The following NFAM1 variants were observed in gnomAD, a reference collection of about 807,000 sequenced individuals.
NFAM1 encodes the protein NFAT activation molecule 1.
NFAM1 carries 17 observed loss-of-function variants against 29.0 expected under a neutral mutation model. The ratio of observed to expected loss-of-function variants is 0.59; its 90% CI spans 0.40 to 0.88. The LOEUF (loss-of-function observed/expected upper bound fraction) is 0.88. Ranked by LOEUF, NFAM1 falls within the 40% of genes least tolerant of loss-of-function variation. The probability of loss-of-function intolerance (pLI) is 0.00; values close to 1 mark genes in which losing one functional copy is unlikely to be tolerated. For missense variants in NFAM1, 324 were observed against 344.6 expected, an observed-to-expected ratio of 0.94 and a Z score of 0.47; for synonymous variants, 175 against 147.2, an observed-to-expected ratio of 1.19 and a Z score of -1.36.
upstream of NFAM1, among the ~76,000 whole-genome samples, chr22:42,435,307 A>C (rs955323061): frequency 5.3e-5 from 8 of 151,096 alleles, no homozygotes; most frequent in Non-Finnish European, 8.8e-5. Flanking sequence ...TTTCCAAATG[A>C]GACCACAATT....
intron 3 of NFAM1, among the ~76,000 whole-genome samples, chr22:42,405,332 T>A (rs548684630): frequency 1.2e-4 from 18 of 152,202 alleles, no homozygotes; most frequent in Non-Finnish European, 2.5e-4. Context: ...GTCACTCCTG[T>A]AAGCCTGGGT....
chr22:42,386,876 G>A lies in NFAM1; in HGVS notation c.753+113C>T, dbSNP rs938847573. ...GCCAGCTGCCACCAGGAGATGGCTG[G>A]GATTCCACAGCAGGTGGCTCACTTC... is the stretch of plus-strand genomic sequence containing the variant. On this transcript the variant is annotated intron_variant, in intron 5 of 5. Coordinates refer to ENST00000329021, the MANE Select transcript of NFAM1 (RefSeq NM_145912.8). 15 of 612,864 alleles carry A rather than the reference G, an allele frequency of 2.4e-5. No individual in the cohort carries two copies. The East Asian group carries it at 4.6e-4, about 19-fold the overall frequency. The allele number at this position is 612,864 out of a possible 1,614,324, so 38.0% of individuals were successfully genotyped here.
At chr22:42,432,023 TG>T (rs1275581490) in intron 1 of NFAM1, among the ~76,000 whole-genome samples, 2 of 152,148 alleles carry the variant, frequency 1.3e-5, no homozygotes, top group Non-Finnish European at 2.9e-5. Context: ...GAGAGAGCGC[TG>T]TCCCCCTCCC....
At position 42,432,383 on chromosome 22, in the gene NFAM1, C is replaced by G. The variant is rs1386203427; in HGVS notation, c.-26G>C. 1 of 1,539,458 alleles carries G rather than the reference C, an allele frequency of 6.5e-7. No individual in the cohort carries two copies. Among genetic ancestry groups the G allele is most frequent in the Admixed American group, 2.1e-5 (1 of 47,164 alleles). On this transcript the variant is annotated 5_prime_UTR_variant, in exon 1 of 6. Transcript: ENST00000329021. ...CTGGGGGCCTGCTTGTCTGCGGCGA[C>G]TCTTTAGTTCACAGGAGGGGACGGC...
chr22:42,423,886 A>G (rs946620483), intron 1 of NFAM1, among the ~76,000 whole-genome samples: 1 of 151,990 alleles, frequency 6.6e-6, no homozygotes, highest in Non-Finnish European at 1.5e-5. Flanking sequence ...ACACCCAGCT[A>G]GTTTTTGTAT....
rs933011335 is a variant in NFAM1 at position 42,419,631 on chromosome 22, C to T, written c.122-7895G>A. Among the ~76,000 whole-genome samples, 13 of 152,184 alleles carry T rather than the reference C, an allele frequency of 8.5e-5. No individual in the cohort carries two copies. Among genetic ancestry groups the T allele is most frequent in the African/African-American group, 3.1e-4 (13 of 41,460 alleles). The stretch of plus-strand genomic sequence containing the variant: ...TCAGCTGCTCTCTGGCCCTCACTCG[C>T]CCACTCCTGCGTAGACGTCAGCCTG... On this transcript the variant is annotated intron_variant, in intron 1 of 5. Transcript: ENST00000329021. This position sits in a 1 kb window ranked among gnomAD's most constrained non-coding sequence, Gnocchi z 4.5.
upstream of NFAM1, among the ~76,000 whole-genome samples, chr22:42,434,255 A>G (rs1930887767): frequency 6.6e-6 from 1 of 152,026 alleles, no homozygotes; most frequent in African/African-American, 2.4e-5. Context: ...GCAGGAATGG[A>G]CGGATGGGTG....
chr22:42,410,215 C>T (rs1435043261), intron 2 of NFAM1: 2 of 188,854 alleles, frequency 1.1e-5, no homozygotes, highest in Non-Finnish European at 2.3e-5. Context: ...AAGATCACAT[C>T]GGGCAAGCAG....
intron 4 of NFAM1, among the ~76,000 whole-genome samples, chr22:42,389,593 T>TGGGGC (rs1929263780): frequency 1.0e-5 from 1 of 95,334 alleles, no homozygotes; most frequent in Non-Finnish European, 2.1e-5. Context: ...CTTGTGGGGC[T>TGGGGC]GGGGCTGGGC....
chr22:42,398,382 T>TTTATTTTTATTATTA (rs1555969649), intron 3 of NFAM1, among the ~76,000 whole-genome samples: 1 of 125,440 alleles, frequency 8.0e-6, no homozygotes, highest in South Asian at 2.7e-4. Context: ...CTTGGTTTTA[T>TTTATTTTTATTATTA]TTATTATTAT....
chr22:42,408,517 C>T (rs1005978486), intron 3 of NFAM1, among the ~76,000 whole-genome samples: 3 of 152,242 alleles, frequency 2.0e-5, no homozygotes, highest in Admixed American at 6.5e-5. Context: ...CAGCCTCTGA[C>T]GAGCCCTGAC....
chr22:42,431,645 G>A (rs1358803938), intron 1 of NFAM1, among the ~76,000 whole-genome samples: 4 of 152,220 alleles, frequency 2.6e-5, no homozygotes, highest in African/African-American at 9.7e-5. Flanking sequence ...CGCCGCTGGC[G>A]TGGAAAGACA....
intron 3 of NFAM1, among the ~76,000 whole-genome samples, chr22:42,400,085 G>A (rs117350780): frequency 0.023 from 3,540 of 152,290 alleles, 67 homozygotes; most frequent in Middle Eastern, 0.041. Context: ...CCGAGGCCAC[G>A]CAGCCAGGAA....
At chr22:42,397,791 C>G in intron 4 of NFAM1, 67 bp downstream of exon 4, 1 of 897,606 alleles carries the variant, frequency 1.1e-6, no homozygotes, top group South Asian at 1.3e-5. Flanking sequence ...CAGACAGACC[C>G]TGGTACAAGA....
intron 1 of NFAM1, among the ~76,000 whole-genome samples, chr22:42,425,889 G>A (rs1930606045): frequency 6.6e-6 from 1 of 152,046 alleles, no homozygotes; most frequent in South Asian, 2.1e-4. Context: ...GTGTGCTCGG[G>A]ATCACAGATG....
In NFAM1 at chr22:42,381,382, G is replaced by A. The variant is rs41277489; in HGVS notation, c.*3779C>T. 1.6e-3 allele frequency: 239 copies of A among 153,034 alleles called. No individual in the cohort carries two copies. Among genetic ancestry groups the A allele is most frequent in the Non-Finnish European group, 2.8e-3 (190 of 68,162 alleles). The allele number at this position is 153,034 out of a possible 1,614,324, so 9.5% of individuals were successfully genotyped here. ...TGAAGGGGTCAACTTCCTAGAGGCA[G>A]GCAGGGATGCCTGGGGGTGCCAGAC... On this transcript the variant is annotated 3_prime_UTR_variant, in exon 6 of 6. Transcript: ENST00000329021.
At chr22:42,397,174 G>A (rs558088622) in intron 4 of NFAM1, among the ~76,000 whole-genome samples, 6 of 152,178 alleles carry the variant, frequency 3.9e-5, no homozygotes, top group African/African-American at 9.7e-5. Context: ...GGCCCCAGCC[G>A]CTGGGCAGAG....
Position 42,432,206 on chromosome 22 carries a change from G to A in NFAM1, c.121+31C>T, listed in dbSNP as rs192517826. The A allele has an allele frequency of 3.2e-6, 5 of 1,547,708 alleles. No individual in the cohort carries two copies. In the African/African-American group the frequency reaches 6.8e-5, roughly 21 times the overall value. ...GCCGCTCTGATGTTCTGGAGCGAGA[G>A]AGTAGAGAGAAGGAGGAAGACAGAC... On this transcript the variant is annotated intron_variant, in intron 1 of 5. Transcript: ENST00000329021.
At chr22:42,430,741 C>A (rs918799419) in intron 1 of NFAM1, among the ~76,000 whole-genome samples, 8 of 151,946 alleles carry the variant, frequency 5.3e-5, no homozygotes, top group African/African-American at 1.5e-4. Flanking sequence ...GAGACTGTTA[C>A]AAAAGAGCTT....
Sources: gnomAD v4.1 joint callset for allele counts (sites outside exome capture counted in the v4.1 genomes callset) on GRCh38, gnomAD v4.1.1 for gene constraint, Gnocchi (gnomAD v3.1) non-coding constraint, MANE v1.5 for transcripts, NCBI Gene and HGNC (gene_info 2026-07-23, HGNC 2026-07-21) for gene names.